Variants in ZNF70 observed in about 807,000 individuals in gnomAD.
The protein encoded by ZNF70 is zinc finger protein N27C7-1.
In ZNF70, 18 loss-of-function variants were observed where a neutral mutation model predicts 37.7. That is an observed-to-expected ratio of 0.48 (90% CI 0.33 to 0.71). The LOEUF is 0.71. Ranked by LOEUF, ZNF70 falls within the 30% of genes least tolerant of loss-of-function variation. The pLI is 0.02. For synonymous variants in ZNF70, 219 were observed against 220.1 expected (o/e 0.99, Z 0.05); for missense variants, 506 against 568.6 (o/e 0.89, Z 1.12).
In ZNF70 at chr22:23,744,691, G is replaced by T; in HGVS notation, c.450C>A (p.Ser150Arg). 6.2e-7 allele frequency: 1 copy of T among 1,614,202 alleles called. No homozygotes were observed. The highest frequency in any genetic ancestry group is 8.5e-7 in the Non-Finnish European group (1 of 1,180,032). Residue 150 changes from serine to arginine, a missense_variant, in exon 2 of 2, where the codon AGC (serine) becomes AGA (arginine). Physicochemically the swap from Ser to Arg is moderately radical, Grantham distance 110. Transcript: ENST00000341976. ...GGTGTCGGAGCAGGTGCGAGCTCTG[G>T]CTGAAGGCCTTCCCACACTCTCGAC... is the stretch of plus-strand genomic sequence containing the variant. ...YACRECGKAFSQSSHLLRHLV... is the reference protein window; with the variant it reads ...YACRECGKAFRQSSHLLRHLV...
chr22:23,749,576 A>G (rs5996609), intron 1 of ZNF70, among the ~76,000 whole-genome samples: 16,207 of 147,848 alleles, frequency 0.11, 2,827 homozygotes, highest in African/African-American at 0.37. Context: ...TACAGGCTCT[A>G]CAGGCACGTG....
Position 23,743,709 on chromosome 22 carries a change from C to G in ZNF70, c.*91G>C. The G allele has an allele frequency of 1.3e-6, 2 of 1,502,478 alleles. No homozygotes were observed. Among genetic ancestry groups the G allele is most frequent in the Non-Finnish European group, 1.8e-6 (2 of 1,119,308 alleles). The allele number at this position is 1,502,478 out of a possible 1,614,324, so 93.1% of individuals were successfully genotyped here. ...AGGTGGGAAGGTTTCCATTCAGCAT[C>G]AGGGAGGTAGGTGGGGTCTTGGAGA... On this transcript the variant is annotated 3_prime_UTR_variant, in exon 2 of 2. Coordinates refer to ENST00000341976, the MANE Select transcript of ZNF70 (RefSeq NM_021916.4).
In ZNF70 at chr22:23,740,223, T is replaced by C. The variant is rs1312785345; in HGVS notation, c.*3577A>G. On this transcript the variant is annotated 3_prime_UTR_variant, in exon 2 of 2. Transcript: ENST00000341976. ...TACTTGGGAGGCTGAGGCAGGAGAA[T>C]GGTCTGAACCTGGGAGGTAGAGCTT... The C allele has an allele frequency of 6.6e-6, 1 of 150,852 alleles. No individual in the cohort carries two copies. The highest frequency in any genetic ancestry group is 1.5e-5 in the Non-Finnish European group (1 of 67,784). The allele number at this position is 150,852 out of a possible 1,614,324, so 9.3% of individuals were successfully genotyped here. A position where few individuals can be genotyped will look rare whatever the true frequency, so the allele number is the denominator to read the frequency against.
chr22:23,744,580 C>A lies in ZNF70; in HGVS notation c.561G>T (p.Gln187His). The A allele has an allele frequency of 6.2e-7, 1 of 1,612,040 alleles. No homozygotes were observed. Among genetic ancestry groups the A allele is most frequent in the Non-Finnish European group, 8.5e-7 (1 of 1,179,282 alleles). ...FSQSSHLLRH[Q>H]IIHTGEKPYE... ...AGGGCTTCTCCCCGGTGTGGATGAT[C>A]TGGTGCCTGAGCAGGTGGGAGCTCT... Residue 187 changes from glutamine (Q) to histidine (H), a missense_variant, in exon 2 of 2, where the codon CAG becomes CAT. Gln to His is a conservative substitution (Grantham distance 24, BLOSUM62 0). Coordinates refer to ENST00000341976, the MANE Select transcript of ZNF70 (RefSeq NM_021916.4).
Position 23,743,658 on chromosome 22 carries a change from T to C in ZNF70, c.*142A>G, listed in dbSNP as rs1177369669. 3 of 1,230,722 alleles carry C rather than the reference T, an allele frequency of 2.4e-6. No homozygotes were observed. The highest frequency in any genetic ancestry group is 3.4e-6 in the Non-Finnish European group (3 of 886,038). The allele number at this position is 1,230,722 out of a possible 1,614,324, so 76.2% of individuals were successfully genotyped here. ...GGCCCAGGGCCACACAGGGCCTTCC[T>C]GCTAGTGGGATGTTCAAGAGCGCTT... On this transcript the variant is annotated 3_prime_UTR_variant, in exon 2 of 2. Coordinates refer to ENST00000341976, the MANE Select transcript of ZNF70 (RefSeq NM_021916.4).
chr22:23,743,858 A>C lies in ZNF70; in HGVS notation c.1283T>G (p.Phe428Cys). 1 of 1,614,170 alleles carries C rather than the reference A, an allele frequency of 6.2e-7. No individual in the cohort carries two copies. Among genetic ancestry groups the C allele is most frequent in the Non-Finnish European group, 8.5e-7 (1 of 1,180,016 alleles). The stretch of plus-strand genomic sequence containing the variant: ...GCGAATCAGGTGCGAGCTCCCCCGG[A>C]AGGACTTGCCGCACAGATTGCACAC... ...PYVCNLCGKS[F>C]RGSSHLIRHQ... Residue 428 changes from phenylalanine to cysteine, a missense_variant, in exon 2 of 2, where the codon TTC becomes TGC. Phe to Cys is a radical substitution (Grantham distance 205, BLOSUM62 -2). Transcript: ENST00000341976.
rs926315537 is a variant in ZNF70, at chr22:23,739,689, C to G, written c.*4111G>C. 1 of 152,054 alleles carries G rather than the reference C, an allele frequency of 6.6e-6. No individual in the cohort carries two copies. 9.4% of individuals were successfully genotyped at this position (152,054 alleles called of 1,614,324 possible). ...TCTTGGCTCACTGCAACCTCCGCCT[C>G]CCGGGTTCAAGCGATTCTCCTGCCT... is the stretch of plus-strand genomic sequence containing the variant. On this transcript the variant is annotated 3_prime_UTR_variant, in exon 2 of 2. Transcript: ENST00000341976.
In ZNF70 at chr22:23,743,806, C is replaced by T; in HGVS notation, c.1335G>A (p.Lys445=). 6.2e-7 allele frequency: 1 copy of T among 1,612,858 alleles called. No homozygotes were observed. Among genetic ancestry groups the T allele is most frequent in the East Asian group, 2.2e-5 (1 of 44,860 alleles). ...TTTGTGTGGGCTCCTCTTTCTATAGCTTCTCCCCAGAATGAATCTTCTGAT... is the reference window on the plus strand; with the variant it reads ...TTTGTGTGGGCTCCTCTTTCTATAGTTTCTCCCCAGAATGAATCTTCTGAT... The part of the protein sequence containing the change: ...IRHQKIHSGE[K]L Residue 445 remains lysine, a synonymous_variant, in exon 2 of 2, where the codon AAG becomes AAA. Coordinates refer to ENST00000341976, the MANE Select transcript of ZNF70 (RefSeq NM_021916.4).
At position 23,744,859 on chromosome 22, in the gene ZNF70, G is replaced by A. The variant is rs1373200953; in HGVS notation, c.282C>T (p.Thr94=). 3.1e-6 allele frequency: 5 copies of A among 1,614,224 alleles called. No individual in the cohort carries two copies. Among genetic ancestry groups the A allele is most frequent in the Non-Finnish European group, 4.2e-6 (5 of 1,180,034 alleles). ...RPQDDELFGQ[T]FLQKSDLSMC... is the part of the protein sequence containing the mutation. ...TGCTGAGGTCGGATTTCTGGAGGAA[G>A]GTTTGTCCGAAGAGCTCATCATCCT... The change falls in exon 2 of 2, where the codon ACC becomes ACT. Residue 94 remains threonine (T), a synonymous_variant. Transcript: ENST00000341976.
intron 1 of ZNF70, among the ~76,000 whole-genome samples, chr22:23,746,809 C>T (rs1925139783): frequency 6.6e-6 from 1 of 152,004 alleles, no homozygotes; most frequent in Admixed American, 6.6e-5. Context: ...CCAGGCTGGT[C>T]CCCCCAACAC....
At chr22:23,745,972 C>T (rs993721488) in intron 1 of ZNF70, among the ~76,000 whole-genome samples, 6 of 152,124 alleles carry the variant, frequency 3.9e-5, no homozygotes, top group Non-Finnish European at 5.9e-5. Context: ...TATTCTCACC[C>T]GACCGGTCCC....
chr22:23,747,497 C>T (rs1420125167), intron 1 of ZNF70, among the ~76,000 whole-genome samples: 1 of 152,058 alleles, frequency 6.6e-6, no homozygotes, highest in Non-Finnish European at 1.5e-5. Context: ...TCCCTGATGC[C>T]AAAAAGGTTG....
intron 1 of ZNF70, among the ~76,000 whole-genome samples, chr22:23,749,527 CAAAAAAAA>C (rs61374101): frequency 2.5e-4 from 6 of 24,110 alleles, no homozygotes; most frequent in Admixed American, 6.8e-4. Context: ...GACTCCGTCT[CAAAAAAAA>C]AAAAAAAAAA....
In ZNF70 at chr22:23,744,196, C is replaced by T. The variant is rs772202959; in HGVS notation, c.945G>A (p.Lys315=). 2 of 1,614,040 alleles carry T rather than the reference C, an allele frequency of 1.2e-6. No homozygotes were observed. Among genetic ancestry groups the T allele is most frequent in the South Asian group, 1.1e-5 (1 of 91,070 alleles). The part of the protein sequence containing the change: ...KKPYKCDECG[K]AFSQSSNLIE... ...TGAGGTTGGAGCTCTGGCTGAAGGC[C>T]TTCCCGCACTCATCGCATTTGTATG... The change falls in exon 2 of 2, where the codon AAG becomes AAA. Residue 315 remains lysine (K), a synonymous_variant. Coordinates refer to ENST00000341976, the MANE Select transcript of ZNF70 (RefSeq NM_021916.4).
chr22:23,745,444 C>T (rs539884856), intron 1 of ZNF70, among the ~76,000 whole-genome samples: 3 of 152,102 alleles, frequency 2.0e-5, no homozygotes, highest in Admixed American at 2.0e-4. Context: ...CTAGACTCAA[C>T]GGGCTGAAGG....
chr22:23,749,101 G>A (rs868422180), intron 1 of ZNF70, among the ~76,000 whole-genome samples: 6 of 151,316 alleles, frequency 4.0e-5, no homozygotes, highest in Middle Eastern at 3.2e-3. Flanking sequence ...GGTGGCTCAC[G>A]CCTCTAATCC....
At chr22:23,748,470 G>A (rs1377880546) in intron 1 of ZNF70, among the ~76,000 whole-genome samples, 3 of 151,626 alleles carry the variant, frequency 2.0e-5, no homozygotes, top group Admixed American at 1.3e-4. Flanking sequence ...TGAACTCCTG[G>A]GCTCAAGCAG....
intron 1 of ZNF70, among the ~76,000 whole-genome samples, chr22:23,746,404 A>G (rs997536033): frequency 6.6e-6 from 1 of 151,294 alleles, no homozygotes; most frequent in Non-Finnish European, 1.5e-5. Context: ...ACCGGGATTC[A>G]CCATGTTGGC....
chr22:23,744,153 G>C lies in ZNF70; in HGVS notation c.988C>G (p.His330Asp), dbSNP rs1601318241. The change falls in exon 2 of 2, where the codon CAC becomes GAC. Residue 330 changes from histidine (H) to aspartate (D), a missense_variant. By Grantham distance (81) the His-to-Asp change is moderately conservative. Transcript: ENST00000341976. Reference sequence around the variant, plus strand: ...CATTTGTAGGGCTTCTCGCCAGTGTGGGTCTTGCGGTGCTCAATGAGGTTG... The same window carrying C: ...CATTTGTAGGGCTTCTCGCCAGTGTCGGTCTTGCGGTGCTCAATGAGGTTG... Reference protein sequence around the residue: ...SSNLIEHRKTHTGEKPYKCQK... With the variant: ...SSNLIEHRKTDTGEKPYKCQK... The C allele has an allele frequency of 1.2e-6, 2 of 1,614,138 alleles. No individual in the cohort carries two copies. The highest frequency in any genetic ancestry group is 1.7e-6 in the Non-Finnish European group (2 of 1,180,020).
Sources: gnomAD v4.1 joint callset for allele counts (sites outside exome capture counted in the v4.1 genomes callset) on GRCh38, gnomAD v4.1.1 for gene constraint, MANE v1.5 for transcripts, NCBI Gene and HGNC (gene_info 2026-07-23, HGNC 2026-07-21) for gene names.